GPLD1: variants seen among roughly 807,000 people sequenced by gnomAD.
GPLD1 encodes glycosylphosphatidylinositol specific phospholipase D1.
Under a neutral mutation model 112.6 loss-of-function variants are expected in GPLD1, and 84 were observed. The observed-to-expected ratio is 0.75, with a 90% CI of 0.63 to 0.89. The LOEUF is 0.89. Ranked by LOEUF, GPLD1 falls within the 40% of genes least tolerant of loss-of-function variation. The pLI, the probability that GPLD1 is intolerant of heterozygous loss-of-function variation, is 0.00. For missense variants in GPLD1, 1,044 were observed against 1,051.5 expected (o/e 0.99, Z 0.10); for synonymous variants, 386 against 403.8 (o/e 0.96, Z 0.53).
rs568815545 is a variant in GPLD1 at position 24,459,411 on chromosome 6, G to T, written c.1008+868C>A. Among the ~76,000 whole-genome samples the T allele has an allele frequency of 1.3e-5, 2 of 151,404 alleles. 1 individual carries two copies. Among genetic ancestry groups the T allele is most frequent in the Admixed American group, 1.3e-4 (2 of 15,152 alleles). On this transcript the variant is annotated intron_variant, in intron 12 of 24. Coordinates refer to ENST00000230036, the MANE Select transcript of GPLD1 (RefSeq NM_001503.4). ...TGGGACTACAAGTGCACACTACCAT[G>T]CCCAGCTGATTTTTTGTTACTTTTT... is the stretch of plus-strand genomic sequence containing the variant.
chr6:24,477,670 T>C (rs1050035073), intron 3 of GPLD1, among the ~76,000 whole-genome samples: 3 of 151,954 alleles, frequency 2.0e-5, no homozygotes, highest in African/African-American at 7.3e-5. Context: ...TTTGAGGCTG[T>C]AATGAGCTGT....
intron 2 of GPLD1, among the ~76,000 whole-genome samples, chr6:24,480,556 C>A (rs554350040): frequency 6.6e-6 from 1 of 152,164 alleles, no homozygotes; most frequent in African/African-American, 2.4e-5. Context: ...CACAAACGCA[C>A]GTACGCACGC....
intron 3 of GPLD1, among the ~76,000 whole-genome samples, chr6:24,476,503 A>G (rs895712922): frequency 6.6e-6 from 1 of 152,166 alleles, no homozygotes; most frequent in Non-Finnish European, 1.5e-5. Context: ...AGAGCCCTAC[A>G]GTAAGAGGGA....
At chr6:24,444,101 T>C (rs1019410946) in intron 20 of GPLD1, among the ~76,000 whole-genome samples, 3 of 152,212 alleles carry the variant, frequency 2.0e-5, no homozygotes, top group African/African-American at 7.2e-5. Flanking sequence ...ACTCCAGTAA[T>C]TCCATCTCCA....
rs1281108554 is a variant in GPLD1, at chr6:24,433,236, G to A, written c.2387C>T (p.Ala796Val). The change falls in exon 24 of 25, where the codon GCC (alanine) becomes GTC (valine). Residue 796 changes from alanine (A) to valine (V), a missense_variant and splice_region_variant. Transcript: ENST00000230036. ...KAQYVLISPE[A>V]SSRFGSSLIT... ...GAGGGAGCTCCCAAACCTTGAGCTGGCCTGTAAAACATGCCGTCTGTTAAT... is the reference window on the plus strand; with the variant it reads ...GAGGGAGCTCCCAAACCTTGAGCTGACCTGTAAAACATGCCGTCTGTTAAT... 3 of 1,612,554 alleles carry A rather than the reference G, an allele frequency of 1.9e-6. No individual in the cohort carries two copies. Among genetic ancestry groups the A allele is most frequent in the Non-Finnish European group, 2.5e-6 (3 of 1,178,722 alleles).
intron 2 of GPLD1, among the ~76,000 whole-genome samples, chr6:24,485,722 T>A (rs1025140616): frequency 1.3e-5 from 2 of 151,514 alleles, no homozygotes; most frequent in Non-Finnish European, 2.9e-5. Flanking sequence ...CAGGCTGAAG[T>A]GCAGTGGTGC....
At chr6:24,438,013 G>A (rs1039396485) in intron 20 of GPLD1, among the ~76,000 whole-genome samples, 5 of 152,120 alleles carry the variant, frequency 3.3e-5, no homozygotes, top group African/African-American at 1.2e-4. Context: ...CAGACAGCTG[G>A]GGCCCACAAA....
At position 24,462,736 on chromosome 6, in the gene GPLD1, G is replaced by A; in HGVS notation, c.881C>T (p.Thr294Ile). 5 of 1,610,232 alleles carry A rather than the reference G, an allele frequency of 3.1e-6. No individual in the cohort carries two copies. The highest frequency in any genetic ancestry group is 4.3e-6 in the Non-Finnish European group (5 of 1,176,454). Residue 294 changes from threonine to isoleucine, a missense_variant, in exon 11 of 25, where the codon ACC becomes ATC. Thr to Ile is a moderately conservative substitution (Grantham distance 89). Transcript: ENST00000230036. Reference protein sequence around the residue: ...FIACGGQQNHTQGSKMQKNDF... With the variant: ...FIACGGQQNHIQGSKMQKNDF... Reference sequence around the variant, plus strand: ...AATTTTGGAATCCACTTACCCCTGGGTGTGGTTTTGCTGGCCGCCACATGC... The same window carrying A: ...AATTTTGGAATCCACTTACCCCTGGATGTGGTTTTGCTGGCCGCCACATGC...
rs1324272557 is a variant in GPLD1 at position 24,449,573 on chromosome 6, C to G, written c.1446+216G>C. ...CTGGTGGAATTGGGAAACCATAGGG[C>G]CAAAATAAGGCCAGGGAGGCAGCAG... On this transcript the variant is annotated intron_variant, in intron 15 of 24. Transcript: ENST00000230036. Among the ~76,000 whole-genome samples the G allele has an allele frequency of 3.3e-5, 5 of 152,130 alleles. No homozygotes were observed. In the South Asian group the frequency reaches 8.3e-4, roughly 25 times the overall value.
chr6:24,465,196 C>CAAAA (rs34368143), intron 10 of GPLD1, among the ~76,000 whole-genome samples: 29 of 101,284 alleles, frequency 2.9e-4, no homozygotes, highest in Non-Finnish European at 4.3e-4. Context: ...GACTCTGTCT[C>CAAAA]AAAAAAAAAA....
chr6:24,441,502 C>T (rs531156255), intron 20 of GPLD1, among the ~76,000 whole-genome samples: 5 of 152,258 alleles, frequency 3.3e-5, no homozygotes, highest in East Asian at 3.9e-4. Flanking sequence ...AGTTACGACA[C>T]GAGAGTCCTG....
chr6:24,489,670 G>T, upstream of GPLD1: 4 of 1,232,444 alleles, frequency 3.2e-6, no homozygotes, highest in South Asian at 3.2e-5. Flanking sequence ...GTTTTCCAAT[G>T]AAGTCAACTG....
chr6:24,464,283 G>T (rs2817244), intron 10 of GPLD1, among the ~76,000 whole-genome samples: 44,444 of 152,034 alleles, frequency 0.29, 6,866 homozygotes, highest in Non-Finnish European at 0.34. Context: ...TATAGGTGAG[G>T]AAATAAGATT....
intron 6 of GPLD1, 187 bp downstream of exon 6, chr6:24,473,432 C>T: frequency 2.4e-6 from 1 of 421,172 alleles, no homozygotes. Context: ...CATATAGACA[C>T]AAGTTTTTAG....
chr6:24,457,518 C>T (rs1388237589), intron 12 of GPLD1, among the ~76,000 whole-genome samples: 2 of 152,094 alleles, frequency 1.3e-5, no homozygotes, highest in Admixed American at 1.3e-4. Flanking sequence ...CAATGCAGAA[C>T]TTTAATTGTA....
intron 10 of GPLD1, among the ~76,000 whole-genome samples, chr6:24,463,751 A>C (rs78118646): frequency 0.03 from 4,603 of 152,304 alleles, 152 homozygotes; most frequent in African/African-American, 0.07. Context: ...TAAGCTGGGA[A>C]ATGCCTGTTA....
chr6:24,479,882 T>A lies in GPLD1; in HGVS notation c.231A>T (p.Gly77=), dbSNP rs1764144250. 1 of 1,580,624 alleles carries A rather than the reference T, an allele frequency of 6.3e-7. No homozygotes were observed. Among genetic ancestry groups the A allele is most frequent in the Admixed American group, 1.7e-5 (1 of 59,958 alleles). The change falls in exon 3 of 25, where the codon GGA becomes GGT. Residue 77 remains glycine (G), a splice_region_variant and synonymous_variant. Coordinates refer to ENST00000230036, the MANE Select transcript of GPLD1 (RefSeq NM_001503.4). ...PDCFYPSICK[G]GKFHDVSEST... ...TCAGTCTGCAAACTTTCATCTTACC[T>A]CCTTTGCAGATGCTAGGGTAAAAAC...
intron 2 of GPLD1, 40 bp from the exon 3 acceptor site, chr6:24,479,999 C>T: frequency 8.5e-6 from 11 of 1,287,120 alleles, no homozygotes; most frequent in Non-Finnish European, 1.2e-5. Flanking sequence ...GGGCAGGAGT[C>T]AACAGCCTGG....
rs61733858 is a variant in GPLD1, at chr6:24,449,890, G to C, written c.1345C>G (p.Arg449Gly). The change falls in exon 15 of 25, where the codon CGG (arginine) becomes GGG (glycine). Residue 449 changes from arginine to glycine, a missense_variant. By Grantham distance (125) the Arg-to-Gly change is moderately radical. Coordinates refer to ENST00000230036, the MANE Select transcript of GPLD1 (RefSeq NM_001503.4). ...AACACAGCCAAGGCCGAGCCAAACC[G>C]ACCTGAGGGCTGAAGAGGCACAAGT... ...RILEGFQPSG[R>G]FGSALAVLDF... The C allele has an allele frequency of 1.9e-6, 3 of 1,612,476 alleles. No individual in the cohort carries two copies. Among genetic ancestry groups the C allele is most frequent in the Admixed American group, 1.7e-5 (1 of 59,946 alleles).
Sources: allele counts gnomAD v4.1 joint callset (sites outside exome capture counted in the v4.1 genomes callset), GRCh38; gene constraint gnomAD v4.1.1; transcripts MANE v1.5; gene names NCBI Gene and HGNC (gene_info 2026-07-23, HGNC 2026-07-21).